WWC1: variants seen among roughly 807,000 people sequenced by gnomAD.
WWC1 encodes protein KIBRA.
A neutral mutation model predicts 138.4 loss-of-function variants in WWC1; 55 were observed. The observed-to-expected ratio is 0.40, with a 90% CI of 0.32 to 0.50. The LOEUF (loss-of-function observed/expected upper bound fraction) is 0.50, where lower values mean the gene tolerates loss of function less well. WWC1 is among the 20% of genes least tolerant of loss of function. WWC1 has a pLI of 0.72. For missense variants in WWC1, 1,226 were observed against 1,420.4 expected (o/e 0.86, Z 2.20); for synonymous variants, 524 against 564.9 (o/e 0.93, Z 1.03).
intron 1 of WWC1, among the ~76,000 whole-genome samples, chr5:168,364,012 AC>A (rs1776095534): frequency 6.6e-6 from 1 of 151,560 alleles, no homozygotes; most frequent in Non-Finnish European, 1.5e-5. Flanking sequence ...AACGCGCAGA[AC>A]TCTCTGATTA....
intron 1 of WWC1, among the ~76,000 whole-genome samples, chr5:168,322,276 C>CAA (rs756936829): frequency 8.0e-6 from 1 of 125,664 alleles, no homozygotes; most frequent in African/African-American, 2.7e-5. Context: ...TTGGAAAATA[C>CAA]AAAAAAAAAA....
intron 5 of WWC1, among the ~76,000 whole-genome samples, chr5:168,403,034 C>CTT (rs1297717422): frequency 2.4e-5 from 3 of 125,356 alleles, no homozygotes; most frequent in African/African-American, 1.1e-4. Context: ...TTCTTTCTTT[C>CTT]TTTCTTTCTT....
chr5:168,428,518 G>A (rs755140509), intron 12 of WWC1, among the ~76,000 whole-genome samples, 189 bp from the exon 13 acceptor site: 2 of 151,960 alleles, frequency 1.3e-5, no homozygotes, highest in East Asian at 3.9e-4. Context: ...CAAGGAGTTC[G>A]AGACCAGCCT....
intron 3 of WWC1, among the ~76,000 whole-genome samples, chr5:168,391,509 A>G (rs1443543877): frequency 1.3e-5 from 2 of 151,872 alleles, no homozygotes; most frequent in Non-Finnish European, 2.9e-5. Context: ...AGTACAAAAA[A>G]GTAGCTGGGC....
chr5:168,317,204 G>A (rs745984632), intron 1 of WWC1, among the ~76,000 whole-genome samples: 4 of 152,292 alleles, frequency 2.6e-5, no homozygotes, highest in South Asian at 2.1e-4. Context: ...CTCTGACTTC[G>A]CAGCCAAGTG....
At chr5:168,361,060 C>T (rs917876659) in intron 1 of WWC1, among the ~76,000 whole-genome samples, 1 of 152,172 alleles carries the variant, frequency 6.6e-6, no homozygotes, top group African/African-American at 2.4e-5. Flanking sequence ...GGTTGTGTGC[C>T]AGGTGCTGTG....
intron 2 of WWC1, among the ~76,000 whole-genome samples, chr5:168,377,010 A>G (rs951163914): frequency 1.3e-5 from 2 of 152,234 alleles, no homozygotes; most frequent in East Asian, 3.8e-4. Context: ...CAGAGGCATC[A>G]TATTATCCAA....
chr5:168,469,916 A>T lies in WWC1; in HGVS notation c.*899A>T, dbSNP rs909874643. The stretch of plus-strand genomic sequence containing the variant: ...ACTGTTTTCATTTGCTCATTAAATT[A>T]AAATGACTGCTCGGCTCATTGGGAA... On this transcript the variant is annotated 3_prime_UTR_variant, in exon 23 of 23. Coordinates refer to ENST00000265293, the MANE Select transcript of WWC1 (RefSeq NM_015238.3). 6.6e-6 allele frequency: 1 copy of T among 152,204 alleles called. No homozygotes were observed. The highest frequency in any genetic ancestry group is 1.5e-5 in the Non-Finnish European group (1 of 68,052). 9.4% of individuals were successfully genotyped at this position (152,204 alleles called of 1,614,324 possible). A position where few individuals can be genotyped will look rare whatever the true frequency, so the allele number is the denominator to read the frequency against.
chr5:168,465,747 G>A (rs1757239809), intron 21 of WWC1, among the ~76,000 whole-genome samples: 1 of 151,494 alleles, frequency 6.6e-6, no homozygotes, highest in African/African-American at 2.4e-5. Flanking sequence ...TTGTAGAGAT[G>A]GGGTTTCACC....
At chr5:168,411,847 T>C (rs1189184992) in intron 8 of WWC1, 1 of 378,460 alleles carries the variant, frequency 2.6e-6, no homozygotes, top group East Asian at 1.6e-4. Flanking sequence ...TGCGTCGTGT[T>C]TCCAGTGCTG....
intron 14 of WWC1, among the ~76,000 whole-genome samples, chr5:168,430,896 C>A (rs992751646): frequency 5.9e-5 from 9 of 152,128 alleles, no homozygotes; most frequent in African/African-American, 1.9e-4. Flanking sequence ...GGCAGGAAGG[C>A]GGACAAAACG....
intron 19 of WWC1, among the ~76,000 whole-genome samples, chr5:168,456,386 A>G (rs1231259439): frequency 6.6e-6 from 1 of 152,136 alleles, no homozygotes; most frequent in Non-Finnish European, 1.5e-5. Flanking sequence ...TAATCCCAGC[A>G]CTTTGGGAGG....
chr5:168,464,720 C>T lies in WWC1; in HGVS notation c.2917-9C>T. The T allele has an allele frequency of 6.2e-7, 1 of 1,614,102 alleles. No individual in the cohort carries two copies. Among genetic ancestry groups the T allele is most frequent in the Admixed American group, 1.7e-5 (1 of 60,022 alleles). ...CTAATAACAAGAGAAGCCGTCCCCACCCCCACAGCCTTCCTCGGTCAAGTC... is the reference window on the plus strand; with the variant it reads ...CTAATAACAAGAGAAGCCGTCCCCATCCCCACAGCCTTCCTCGGTCAAGTC... On this transcript the variant is annotated splice_polypyrimidine_tract_variant and intron_variant, in intron 20 of 22. Transcript: ENST00000265293.
chr5:168,387,748 G>A (rs930449990), intron 3 of WWC1, among the ~76,000 whole-genome samples: 3 of 152,098 alleles, frequency 2.0e-5, no homozygotes, highest in African/African-American at 4.8e-5. Context: ...TTTCCCCAAA[G>A]CCTCATCTTC....
chr5:168,346,474 C>T (rs1451262138), intron 1 of WWC1, among the ~76,000 whole-genome samples: 2 of 152,132 alleles, frequency 1.3e-5, no homozygotes, highest in Non-Finnish European at 2.9e-5. Context: ...GTCCAGTGCC[C>T]CAACATCAGA....
chr5:168,395,544 G>A (rs1778834037), intron 3 of WWC1, among the ~76,000 whole-genome samples: 1 of 152,136 alleles, frequency 6.6e-6, no homozygotes, highest in Admixed American at 6.5e-5. Flanking sequence ...TCCCCACACT[G>A]TATGCTTAAG....
chr5:168,357,566 G>C (rs1188895632), intron 1 of WWC1, among the ~76,000 whole-genome samples: 1 of 151,688 alleles, frequency 6.6e-6, no homozygotes, highest in African/African-American at 2.4e-5. Context: ...GAGGCTGAAT[G>C]AACAAGAGAA....
At chr5:168,348,808 C>T (rs1267545866) in intron 1 of WWC1, among the ~76,000 whole-genome samples, 1 of 152,144 alleles carries the variant, frequency 6.6e-6, no homozygotes, top group African/African-American at 2.4e-5. Flanking sequence ...AGCCCCCACA[C>T]TGCAGCCTGG....
intron 11 of WWC1, among the ~76,000 whole-genome samples, chr5:168,427,787 C>G (rs1314515264): frequency 2.6e-5 from 4 of 151,834 alleles, no homozygotes; most frequent in African/African-American, 9.7e-5. Flanking sequence ...AACCCCATCT[C>G]TACAACAAAA....
Sources: gnomAD v4.1 joint callset for allele counts (sites outside exome capture counted in the v4.1 genomes callset) on GRCh38, gnomAD v4.1.1 for gene constraint, MANE v1.5 for transcripts, NCBI Gene and HGNC (gene_info 2026-07-23, HGNC 2026-07-21) for gene names.